The following SLC9A6 variants were observed in gnomAD, a reference collection of about 807,000 sequenced individuals.
SLC9A6 encodes solute carrier family 9 member A6.
In SLC9A6, 6 loss-of-function variants were observed where a neutral mutation model predicts 45.3. That is an observed-to-expected ratio of 0.13 (90% CI 0.07 to 0.26). SLC9A6 has a LOEUF of 0.26. Among genes scored for constraint, SLC9A6 ranks in the 10% least tolerant of loss-of-function variants. SLC9A6 has a pLI of 1.00. For missense variants in SLC9A6, 278 were observed against 503.7 expected (o/e 0.55, Z 4.29); for synonymous variants, 191 against 187.7 (o/e 1.02, Z -0.14).
intron 12 of SLC9A6, 30 bp downstream of exon 12, chrX:136,022,727 T>C (rs1556620066): frequency 1.0e-6 from 1 of 955,585 alleles, no homozygotes; most frequent in Non-Finnish European, 1.5e-6. Context: ...TCTTGCCCAC[T>C]TCAAGCAACC....
intron 2 of SLC9A6, among the ~76,000 whole-genome samples, chrX:135,988,060 G>A (rs1487311354): frequency 9.0e-6 from 1 of 111,553 alleles, no homozygotes; most frequent in Admixed American, 9.5e-5. Flanking sequence ...TCAAATAGGG[G>A]CTTTGAATTG....
intron 2 of SLC9A6, among the ~76,000 whole-genome samples, chrX:135,989,401 A>G: frequency 8.9e-6 from 1 of 112,257 alleles, no homozygotes; most frequent in Admixed American, 9.5e-5. Flanking sequence ...ATGGTATAAA[A>G]AGCAAAATAT....
chrX:136,022,130 G>A (rs2071137087), intron 11 of SLC9A6, among the ~76,000 whole-genome samples: 1 of 111,366 alleles, frequency 9.0e-6, no homozygotes, highest in African/African-American at 3.3e-5. Context: ...GGAAGGGGAA[G>A]TTTTCTCAGT....
upstream of SLC9A6, chrX:135,974,010 G>A (rs1556612978): frequency 5.4e-6 from 4 of 741,919 alleles, no homozygotes; most frequent in African/African-American, 6.0e-5. Flanking sequence ...GCAAATGGGG[G>A]CAGGGCCAGT....
At position 136,040,169 on chromosome X, in the gene SLC9A6, C is replaced by T. The variant is rs781942701; in HGVS notation, c.1755C>T (p.Pro585=). The T allele has an allele frequency of 8.3e-7, 1 of 1,205,803 alleles. No individual in the cohort carries two copies. The highest frequency in any genetic ancestry group is 1.1e-6 in the Non-Finnish European group (1 of 890,865). The part of the protein sequence containing the change: ...CGPIARCLTS[P]QAYENQEQLK... ...CCATCGCCAGGTGCCTCACCAGCCCCCAGGCTTACGAAGTAAGTTGGTTTT... is the reference window on the plus strand; with the variant it reads ...CCATCGCCAGGTGCCTCACCAGCCCTCAGGCTTACGAAGTAAGTTGGTTTT... The change falls in exon 17 of 18, where the codon CCC becomes CCT. Residue 585 remains proline, a synonymous_variant. Coordinates refer to ENST00000630721, the MANE Select transcript of SLC9A6 (RefSeq NM_001379110.1).
At chrX:135,978,059 A>G (rs1281987922) in intron 1 of SLC9A6, among the ~76,000 whole-genome samples, 1 of 112,508 alleles carries the variant, frequency 8.9e-6, no homozygotes, top group African/African-American at 3.2e-5. Flanking sequence ...TGTTATCAGC[A>G]TTGAGTGAGA....
rs782693190 is a variant in SLC9A6, at chrX:136,040,195, A to C, written c.1767+14A>C. 4 of 1,112,854 alleles carry C rather than the reference A, an allele frequency of 3.6e-6. No individual in the cohort carries two copies. Among genetic ancestry groups the C allele is most frequent in the Non-Finnish European group, 4.9e-6 (4 of 808,871 alleles). The allele number at this position is 1,112,854 out of a possible 1,213,427, so 91.7% of individuals were successfully genotyped here. The stretch of plus-strand genomic sequence containing the variant: ...CAGGCTTACGAAGTAAGTTGGTTTT[A>C]TCCAAAACTAAATTCTTCAGTAAGT... On this transcript the variant is annotated intron_variant, in intron 17 of 17. Transcript: ENST00000630721.
At chrX:136,031,175 T>C (rs1354067166) in intron 15 of SLC9A6, among the ~76,000 whole-genome samples, 1 of 111,692 alleles carries the variant, frequency 9.0e-6, no homozygotes, top group African/African-American at 3.3e-5. Context: ...TGGTGTAGTG[T>C]CCAAGGGGTG....
At chrX:135,977,754 T>C (rs933918802) in intron 1 of SLC9A6, among the ~76,000 whole-genome samples, 3 of 111,593 alleles carry the variant, frequency 2.7e-5, no homozygotes, top group African/African-American at 9.8e-5. Context: ...TGTAAGAAAT[T>C]CAAACAATAA....
chrX:135,992,305 A>C (rs1350539740), intron 2 of SLC9A6, among the ~76,000 whole-genome samples: 1 of 111,064 alleles, frequency 9.0e-6, no homozygotes, highest in African/African-American at 3.3e-5. Context: ...TCCTGTCAGT[A>C]CTCTCTTAGG....
intron 16 of SLC9A6, among the ~76,000 whole-genome samples, chrX:136,034,790 G>A (rs1556621612): frequency 9.0e-6 from 1 of 111,346 alleles, no homozygotes; most frequent in African/African-American, 3.3e-5. Flanking sequence ...GCATATCTGG[G>A]GTATTAAGAC....
chrX:136,011,158 G>A (rs1416180174), intron 8 of SLC9A6, among the ~76,000 whole-genome samples: 1 of 112,319 alleles, frequency 8.9e-6, no homozygotes, highest in East Asian at 2.8e-4. Flanking sequence ...TTTTATCCCG[G>A]ACTTCACCAC....
chrX:135,978,146 A>G (rs1401867502), intron 1 of SLC9A6, among the ~76,000 whole-genome samples: 1 of 112,363 alleles, frequency 8.9e-6, no homozygotes, highest in African/African-American at 3.2e-5. Context: ...TGTTGTTGCT[A>G]TTGACCCTTC....
At position 136,045,561 on chromosome X, in the gene SLC9A6, T is replaced by C. The variant is rs896879930; in HGVS notation, c.*837T>C. On this transcript the variant is annotated 3_prime_UTR_variant, in exon 18 of 18. Coordinates refer to ENST00000630721, the MANE Select transcript of SLC9A6 (RefSeq NM_001379110.1). ...GGTTTCAGAGATCTCTCTTCCCAAA[T>C]GTGTAAATATTCTATACCAGATAAG... 8.9e-6 allele frequency: 1 copy of C among 111,921 alleles called. No individual in the cohort carries two copies. The highest frequency in any genetic ancestry group is 9.6e-5 in the Admixed American group (1 of 10,423). 9.2% of individuals were successfully genotyped at this position (111,921 alleles called of 1,213,427 possible). A position where few individuals can be genotyped will look rare whatever the true frequency, so the allele number is the denominator to read the frequency against.
chrX:135,975,981 CAAAAA>C (rs782541566), intron 1 of SLC9A6, among the ~76,000 whole-genome samples: 1 of 62,463 alleles, frequency 1.6e-5, no homozygotes, highest in South Asian at 1.5e-3. Context: ...TTTCTCTAAC[CAAAAA>C]AAAAAAAAAA....
chrX:136,044,641 C>T lies in SLC9A6; in HGVS notation c.1957C>T (p.Arg653Ter). ...LAFGDHELVIRGTRLVLPMDD... is the reference protein window; with the variant it reads ...LAFGDHELVI ...ATTTGGGGACCATGAACTGGTCATT[C>T]GAGGAACACGCCTGGTTCTTCCAAT... Residue 653 changes from arginine (R) to a stop codon, truncating the protein, a stop_gained, in exon 18 of 18, where the codon CGA (arginine) becomes TGA (stop). Transcript: ENST00000630721. LOFTEE classifies it high-confidence loss of function. 1 of 1,208,833 alleles carries T rather than the reference C, an allele frequency of 8.3e-7. No homozygotes were observed. Among genetic ancestry groups the T allele is most frequent in the Non-Finnish European group, 1.1e-6 (1 of 893,274 alleles).
chrX:136,000,901 C>G (rs2089572104), intron 6 of SLC9A6, among the ~76,000 whole-genome samples: 1 of 111,372 alleles, frequency 9.0e-6, no homozygotes, highest in Non-Finnish European at 1.9e-5. Flanking sequence ...AGGAGGATCA[C>G]TTGAACCTAG....
chrX:136,014,187 C>T (rs782461617), intron 10 of SLC9A6, among the ~76,000 whole-genome samples: 1 of 112,018 alleles, frequency 8.9e-6, no homozygotes, highest in East Asian at 2.8e-4. Flanking sequence ...TTAAATTTTG[C>T]CAAATGACAA....
At position 135,986,039 on chromosome X, in the gene SLC9A6, C is replaced by CT. The variant is rs2089333329; in HGVS notation, c.169+217dup. ...CCCCATTTTATCTGCCTCTCCACAC[C>CT]TTTTTCGCTTCCGACCCCACCCCCT... is the stretch of plus-strand genomic sequence containing the variant. On this transcript the variant is annotated intron_variant, in intron 2 of 17. Transcript: ENST00000630721. Among the ~76,000 whole-genome samples, 3 of 109,232 alleles carry CT rather than the reference C, an allele frequency of 2.7e-5. No homozygotes were observed. In the East Asian group the frequency reaches 8.7e-4, roughly 32 times the overall value. The allele number at this position is 109,232 out of a possible 115,157, so 94.9% of individuals were successfully genotyped here. A position where few individuals can be genotyped will look rare whatever the true frequency, so the allele number is the denominator to read the frequency against.
Sources: allele counts gnomAD v4.1 joint callset (sites outside exome capture counted in the v4.1 genomes callset), GRCh38; gene constraint gnomAD v4.1.1; transcripts MANE v1.5; gene names NCBI Gene and HGNC (gene_info 2026-07-23, HGNC 2026-07-21).